The following EFNA5 variants were observed in gnomAD, a reference collection of about 807,000 sequenced individuals.
EFNA5 encodes ephrin-A5.
Under a neutral mutation model 22.9 loss-of-function variants are expected in EFNA5, and 5 were observed. That is an observed-to-expected ratio of 0.22 (90% confidence interval 0.11 to 0.46). The LOEUF is 0.46. EFNA5 is among the 20% of genes least tolerant of loss of function. EFNA5 has a pLI of 0.99. For synonymous variants in EFNA5, 113 were observed against 112.2 expected, an observed-to-expected ratio of 1.01 and a Z score of -0.04; for missense variants, 237 against 293.3, an observed-to-expected ratio of 0.81 and a Z score of 1.40.
intron 1 of EFNA5, among the ~76,000 whole-genome samples, chr5:107,642,755 A>G (rs2077114850): frequency 2.0e-5 from 3 of 152,214 alleles, no homozygotes; most frequent in Admixed American, 2.0e-4. Flanking sequence ...GGGAGTGGTC[A>G]TGGTTTTTAA....
chr5:107,636,626 T>C (rs1750378130), intron 1 of EFNA5, among the ~76,000 whole-genome samples: 1 of 152,256 alleles, frequency 6.6e-6, no homozygotes. Flanking sequence ...TTATTTATTA[T>C]AGCTAACATA....
At chr5:107,553,823 A>G (rs1561431125) in intron 1 of EFNA5, among the ~76,000 whole-genome samples, 1 of 149,636 alleles carries the variant, frequency 6.7e-6, no homozygotes, top group Non-Finnish European at 1.5e-5. Flanking sequence ...TATACACATT[A>G]TTATCATTCT....
chr5:107,433,053 T>C (rs746961858), intron 1 of EFNA5, among the ~76,000 whole-genome samples: 1 of 152,242 alleles, frequency 6.6e-6, no homozygotes, highest in South Asian at 2.1e-4. Context: ...ATAGAAAATA[T>C]GCATTGACTG....
At chr5:107,491,766 G>A (rs1010568416) in intron 1 of EFNA5, among the ~76,000 whole-genome samples, 8 of 152,158 alleles carry the variant, frequency 5.3e-5, no homozygotes, top group Non-Finnish European at 1.0e-4. Context: ...GTTTTTCACT[G>A]TATACCCTTT....
At chr5:107,586,591 C>A (rs552239737) in intron 1 of EFNA5, among the ~76,000 whole-genome samples, 2 of 152,042 alleles carry the variant, frequency 1.3e-5, no homozygotes, top group Non-Finnish European at 2.9e-5. Context: ...ACCCCTCTAC[C>A]CAAAATAATT....
At chr5:107,547,714 T>C (rs1748198289) in intron 1 of EFNA5, among the ~76,000 whole-genome samples, 2 of 152,134 alleles carry the variant, frequency 1.3e-5, no homozygotes, top group African/African-American at 4.8e-5. Context: ...AAAAAAAGCA[T>C]TTTTCTTTTT....
chr5:107,483,135 T>A (rs902601494), intron 1 of EFNA5, among the ~76,000 whole-genome samples: 51 of 152,278 alleles, frequency 3.3e-4, no homozygotes, highest in African/African-American at 1.2e-3. Flanking sequence ...CTGATTTTTT[T>A]ATACAGTTTA....
At chr5:107,631,023 G>A (rs1750238270) in intron 1 of EFNA5, among the ~76,000 whole-genome samples, 1 of 152,014 alleles carries the variant, frequency 6.6e-6, no homozygotes, top group South Asian at 2.1e-4. Context: ...ACCTCCTATG[G>A]TAACAACGTT....
chr5:107,559,168 C>T (rs753996347), intron 1 of EFNA5, among the ~76,000 whole-genome samples: 1 of 152,184 alleles, frequency 6.6e-6, no homozygotes, highest in Non-Finnish European at 1.5e-5. Context: ...TTCCTTCCCC[C>T]TACCCTGGCC....
chr5:107,493,502 C>T (rs867520333), intron 1 of EFNA5, among the ~76,000 whole-genome samples: 1 of 152,258 alleles, frequency 6.6e-6, no homozygotes, highest in African/African-American at 2.4e-5. Flanking sequence ...GCCTAAATAC[C>T]ATGGCTCCAA....
chr5:107,646,922 T>C (rs963014018), intron 1 of EFNA5, among the ~76,000 whole-genome samples: 4 of 152,106 alleles, frequency 2.6e-5, no homozygotes, highest in African/African-American at 9.7e-5. Flanking sequence ...TAGTATTTTA[T>C]TATATATATT....
At chr5:107,619,617 T>C (rs1388818620) in intron 1 of EFNA5, among the ~76,000 whole-genome samples, 1 of 151,866 alleles carries the variant, frequency 6.6e-6, no homozygotes, top group Non-Finnish European at 1.5e-5. Flanking sequence ...CATGCTACCA[T>C]ACCCGGCTAA....
intron 2 of EFNA5, among the ~76,000 whole-genome samples, chr5:107,401,431 C>T (rs1406001301): frequency 6.6e-6 from 1 of 152,124 alleles, no homozygotes; most frequent in African/African-American, 2.4e-5. Context: ...TTTGGTGTAA[C>T]TCATATTTCT....
chr5:107,670,253 T>C lies in EFNA5; in HGVS notation c.125+236A>G, dbSNP rs570940344. On this transcript the variant is annotated intron_variant, in intron 1 of 4. Transcript: ENST00000333274. ...GTCTCCCGGCGCCCCGCAGAAGCAGTTGGTCTAGGCAGCCCCGGGGACTCC... is the reference window on the plus strand; with the variant it reads ...GTCTCCCGGCGCCCCGCAGAAGCAGCTGGTCTAGGCAGCCCCGGGGACTCC... Among the ~76,000 whole-genome samples, 510 of 152,068 alleles carry C rather than the reference T, an allele frequency of 3.4e-3. 2 individuals are homozygous for C. The highest frequency in any genetic ancestry group is 7.1e-3 in the South Asian group (34 of 4,810).
At chr5:107,609,758 T>C (rs1749791265) in intron 1 of EFNA5, among the ~76,000 whole-genome samples, 3 of 151,878 alleles carry the variant, frequency 2.0e-5, no homozygotes, top group Admixed American at 2.0e-4. Flanking sequence ...AAACACACAG[T>C]CCTTGTGCCT....
At position 107,664,004 on chromosome 5, in the gene EFNA5, C is replaced by T. The variant is rs1178251934; in HGVS notation, c.125+6485G>A. On this transcript the variant is annotated intron_variant, in intron 1 of 4. Coordinates refer to ENST00000333274, the MANE Select transcript of EFNA5 (RefSeq NM_001962.3). ...AGCTGAGCTAACCATCACTGTGGTACACTACTGTCTCTCAGCAACTAGCTA... is the reference window on the plus strand; with the variant it reads ...AGCTGAGCTAACCATCACTGTGGTATACTACTGTCTCTCAGCAACTAGCTA... Among the ~76,000 whole-genome samples, 4 of 152,070 alleles carry T rather than the reference C, an allele frequency of 2.6e-5. 1 individual carries two copies. The highest frequency in any genetic ancestry group is 3.8e-4 in the East Asian group (2 of 5,196).
intron 1 of EFNA5, among the ~76,000 whole-genome samples, chr5:107,579,865 A>C (rs554839379): frequency 1.3e-5 from 2 of 152,294 alleles, no homozygotes; most frequent in Admixed American, 6.5e-5. Flanking sequence ...ATCTCTTTCT[A>C]GTTCTTTGCA....
At chr5:107,465,507 A>T (rs1177589815) in intron 1 of EFNA5, among the ~76,000 whole-genome samples, 1 of 152,174 alleles carries the variant, frequency 6.6e-6, no homozygotes, top group African/African-American at 2.4e-5. Context: ...TGCCTCTTAA[A>T]GCATGAGCCA....
chr5:107,491,757 T>C (rs1746812149), intron 1 of EFNA5, among the ~76,000 whole-genome samples: 1 of 152,198 alleles, frequency 6.6e-6, no homozygotes, highest in Non-Finnish European at 1.5e-5. Context: ...AGAAGACATG[T>C]TTTTCACTGT....
Sources: allele counts gnomAD v4.1 joint callset (sites outside exome capture counted in the v4.1 genomes callset), GRCh38; gene constraint gnomAD v4.1.1; transcripts MANE v1.5; gene names NCBI Gene and HGNC (gene_info 2026-07-23, HGNC 2026-07-21).